Variants in PRSS23 observed in about 807,000 individuals in gnomAD.
The protein encoded by PRSS23 is serine protease 23.
Under a neutral mutation model 34.7 loss-of-function variants are expected in PRSS23, and 25 were observed. That is an observed-to-expected ratio of 0.72 (90% confidence interval 0.53 to 1.01). The LOEUF is 1.01. PRSS23 is among the 50% of genes least tolerant of loss of function. PRSS23 has a pLI of 0.00. For missense variants in PRSS23, 445 were observed against 475.6 expected (o/e 0.94, Z 0.60); for synonymous variants, 176 against 186.6 (o/e 0.94, Z 0.46).
chr11:86,846,480 C>G (rs534151716), intron 2 of PRSS23, among the ~76,000 whole-genome samples: 1 of 152,246 alleles, frequency 6.6e-6, no homozygotes, highest in East Asian at 1.9e-4. Context: ...CATTGGTTGG[C>G]CTGGAACCAG....
At chr11:86,938,778 G>A (rs1315570287) in intron 2 of PRSS23, among the ~76,000 whole-genome samples, 6 of 152,218 alleles carry the variant, frequency 3.9e-5, no homozygotes, top group Admixed American at 2.0e-4. Context: ...CAGCCTCTCT[G>A]AGATCCCTAT....
At chr11:86,825,800 G>T (rs1355302802) in intron 2 of PRSS23, among the ~76,000 whole-genome samples, 4 of 150,222 alleles carry the variant, frequency 2.7e-5, no homozygotes, top group Non-Finnish European at 6.0e-5. Flanking sequence ...TAGATATGCG[G>T]CGTTATTTCT....
chr11:86,823,562 G>C, exon 2 of PRSS23: 1 of 702,588 alleles, frequency 1.4e-6, no homozygotes. Flanking sequence ...ACAGTGTTCT[G>C]CTTTCATGGA....
intron 2 of PRSS23, chr11:86,948,370 G>C (rs1415338466): frequency 6.6e-6 from 1 of 151,654 alleles, no homozygotes; most frequent in Non-Finnish European, 1.5e-5. Flanking sequence ...TACTACAGTC[G>C]GCACTCAATA....
chr11:86,868,226 A>G (rs555105393), intron 2 of PRSS23, among the ~76,000 whole-genome samples: 5 of 152,328 alleles, frequency 3.3e-5, no homozygotes, highest in African/African-American at 9.6e-5. Flanking sequence ...TGTGAACTCA[A>G]TGGAGTGAAA....
chr11:86,851,799 T>C (rs1215910224), intron 2 of PRSS23, among the ~76,000 whole-genome samples: 6 of 152,172 alleles, frequency 3.9e-5, no homozygotes, highest in Non-Finnish European at 8.8e-5. Flanking sequence ...GCCATCTTCC[T>C]TTTTATCCTC....
upstream of PRSS23, among the ~76,000 whole-genome samples, chr11:86,799,262 A>C (rs781590958): frequency 4.0e-5 from 6 of 151,852 alleles, no homozygotes; most frequent in Non-Finnish European, 5.9e-5. Flanking sequence ...AAATAAAAGA[A>C]AAGACCACAC....
chr11:86,861,665 CT>C (rs1381048469), intron 2 of PRSS23, among the ~76,000 whole-genome samples: 4 of 150,620 alleles, frequency 2.7e-5, no homozygotes, highest in Admixed American at 2.0e-4. Flanking sequence ...GTACACCCCC[CT>C]ATGATATTTT....
chr11:86,831,106 C>T (rs1213637178), intron 2 of PRSS23, among the ~76,000 whole-genome samples: 1 of 151,938 alleles, frequency 6.6e-6, no homozygotes, highest in Non-Finnish European at 1.5e-5. Context: ...GGATGTTATT[C>T]CTAATGTCAC....
intron 2 of PRSS23, among the ~76,000 whole-genome samples, chr11:86,888,127 C>G (rs7926387): frequency 2.8e-5 from 3 of 107,028 alleles, no homozygotes; most frequent in South Asian, 5.6e-4. Flanking sequence ...TAAAAAAAAA[C>G]AAAACAAAAC....
chr11:86,915,078 A>T (rs1949003271), intron 2 of PRSS23, among the ~76,000 whole-genome samples: 1 of 152,162 alleles, frequency 6.6e-6, no homozygotes, highest in South Asian at 2.1e-4. Context: ...GGGAACCATC[A>T]ATCGCATCAG....
At chr11:86,907,753 C>T (rs1948953337) in intron 2 of PRSS23, among the ~76,000 whole-genome samples, 1 of 152,218 alleles carries the variant, frequency 6.6e-6, no homozygotes, top group Non-Finnish European at 1.5e-5. Context: ...AGCCACCACG[C>T]TGGCCTTAAC....
At chr11:86,833,455 TCTG>T (rs1046178295) in intron 2 of PRSS23, 6 of 474,410 alleles carry the variant, frequency 1.3e-5, no homozygotes, top group African/African-American at 1.2e-4. Flanking sequence ...ATTCTGTGGG[TCTG>T]TATAGTTCGG....
At chr11:86,941,239 C>T (rs1006438577) in intron 2 of PRSS23, among the ~76,000 whole-genome samples, 3 of 152,172 alleles carry the variant, frequency 2.0e-5, no homozygotes, top group Admixed American at 6.5e-5. Flanking sequence ...GCCCATTACA[C>T]TGGGTACTCA....
intron 2 of PRSS23, among the ~76,000 whole-genome samples, chr11:86,831,667 T>C (rs1013918057): frequency 6.6e-6 from 1 of 151,544 alleles, no homozygotes; most frequent in East Asian, 1.9e-4. Context: ...CTAGGGGATG[T>C]TACTCCTAAT....
At chr11:86,899,935 A>AAAG (rs1330809513) in intron 2 of PRSS23, among the ~76,000 whole-genome samples, 1 of 152,206 alleles carries the variant, frequency 6.6e-6, no homozygotes, top group Non-Finnish European at 1.5e-5. Context: ...TAGATTTTTA[A>AAAG]AAGATGTTTT....
At chr11:86,821,296 T>C (rs1302740334) in intron 1 of PRSS23, 54 of 571,344 alleles carry the variant, frequency 9.5e-5, no homozygotes, top group Non-Finnish European at 1.2e-4. Flanking sequence ...ATTCATCAAA[T>C]ATCTACCAAT....
At chr11:86,832,894 A>C (rs1399546641) in intron 2 of PRSS23, 2 of 331,862 alleles carry the variant, frequency 6.0e-6, no homozygotes, top group Non-Finnish European at 1.2e-5. Flanking sequence ...CACAACACGC[A>C]AGGTGTGGGA....
intron 1 of PRSS23, among the ~76,000 whole-genome samples, chr11:86,794,699 A>G (rs1488733964): frequency 6.6e-6 from 1 of 152,220 alleles, no homozygotes; most frequent in Non-Finnish European, 1.5e-5. Context: ...AAAGTTTTGA[A>G]TGTAATACAA....
Sources: allele counts gnomAD v4.1 joint callset (sites outside exome capture counted in the v4.1 genomes callset), GRCh38; gene constraint gnomAD v4.1.1; transcripts MANE v1.5; gene names NCBI Gene and HGNC (gene_info 2026-07-23, HGNC 2026-07-21).